Variants in SEMG1 observed in about 807,000 individuals in gnomAD.
SEMG1 encodes semenogelin 1.
A neutral mutation model predicts 8.8 loss-of-function variants in SEMG1; 6 were observed. That is an observed-to-expected ratio of 0.68 (90% CI 0.37 to 1.35). The LOEUF (loss-of-function observed/expected upper bound fraction) is 1.35, where lower values mean the gene tolerates loss of function less well. Ranked by LOEUF, SEMG1 falls within the 40% of genes most tolerant of loss-of-function variation. SEMG1 has a pLI of 0.02. For synonymous variants in SEMG1, 221 were observed against 190.3 expected, an observed-to-expected ratio of 1.16 and a Z score of -1.33; for missense variants, 580 against 533.6, an observed-to-expected ratio of 1.09 and a Z score of -0.86.
rs776210758 is a variant in SEMG1, at chr20:45,207,064, A to G, written c.11A>G (p.Asn4Ser). The G allele has an allele frequency of 1.6e-5, 26 of 1,613,564 alleles. No individual in the cohort carries two copies. The highest frequency in any genetic ancestry group is 2.2e-5 in the East Asian group (1 of 44,874). The change falls in exon 1 of 3, where the codon AAC (asparagine) becomes AGC (serine). Residue 4 changes from asparagine to serine, a missense_variant. Coordinates refer to ENST00000372781, the MANE Select transcript of SEMG1 (RefSeq NM_003007.5). MKPNIIFVLSLLLI... is the reference protein window; with the variant it reads MKPSIIFVLSLLLI... ...GGTTTTCCAAGCAAGATGAAGCCCA[A>G]CATCATCTTTGTACTTTCCCTGCTC...
chr20:45,208,697 C>A lies in SEMG1; in HGVS notation c.*11C>A, dbSNP rs758675703. The A allele has an allele frequency of 1.3e-6, 2 of 1,567,224 alleles. No individual in the cohort carries two copies. The highest frequency in any genetic ancestry group is 1.4e-5 in the African/African-American group (1 of 73,198). Reference sequence around the variant, plus strand: ...CCATTATTTACATAAACCTACCATTCGGTAACCATGTGAAAGGATGGACCA... The same window carrying A: ...CCATTATTTACATAAACCTACCATTAGGTAACCATGTGAAAGGATGGACCA... On this transcript the variant is annotated 3_prime_UTR_variant, in exon 2 of 3. Coordinates refer to ENST00000372781, the MANE Select transcript of SEMG1 (RefSeq NM_003007.5).
chr20:45,208,605 T>C lies in SEMG1; in HGVS notation c.1308T>C (p.Ile436=). 6.2e-7 allele frequency: 1 copy of C among 1,613,906 alleles called. No individual in the cohort carries two copies. The highest frequency in any genetic ancestry group is 8.5e-7 in the Non-Finnish European group (1 of 1,179,874). ...HQHGSHGGLD[I]VIIEQEDDSD... is the part of the protein sequence containing the mutation. ...ATGGATCTCATGGGGGATTGGATAT[T>C]GTAATTATAGAGCAGGAAGATGACA... The change falls in exon 2 of 3, where the codon ATT becomes ATC. Residue 436 remains isoleucine (I), a synonymous_variant. Coordinates refer to ENST00000372781, the MANE Select transcript of SEMG1 (RefSeq NM_003007.5).
At position 45,208,442 on chromosome 20, in the gene SEMG1, T is replaced by C. The variant is rs772450792; in HGVS notation, c.1145T>C (p.Val382Ala). 2.7e-5 allele frequency: 43 copies of C among 1,613,832 alleles called. No homozygotes were observed. Among genetic ancestry groups the C allele is most frequent in the Non-Finnish European group, 3.4e-5 (40 of 1,179,954 alleles). Residue 382 changes from valine to alanine, a missense_variant, in exon 2 of 3, where the codon GTA (valine) becomes GCA (alanine). Coordinates refer to ENST00000372781, the MANE Select transcript of SEMG1 (RefSeq NM_003007.5). ...RSIYSQTEKL[V>A]AGKSQIQAPN... is the part of the protein sequence containing the mutation. ...ATTTATAGCCAAACTGAAAAGCTAG[T>C]AGCAGGCAAGTCTCAAATCCAGGCA...
intron 2 of SEMG1, 52 bp downstream of exon 2, chr20:45,208,782 G>A (rs1318481254): frequency 3.5e-6 from 3 of 866,580 alleles, no homozygotes; most frequent in East Asian, 4.9e-5. Context: ...GTTTAGAATT[G>A]TTGGGGACTC....
At chr20:45,207,246 A>T in intron 1 of SEMG1, 117 bp downstream of exon 1, 6 of 1,491,968 alleles carry the variant, frequency 4.0e-6, no homozygotes, top group Non-Finnish European at 5.5e-6. Context: ...AAGAGAATTG[A>T]TTTTCTCCAC....
Position 45,207,493 on chromosome 20 carries a change from C to A in SEMG1, c.196C>A (p.Gln66Lys). 3.1e-6 allele frequency: 5 copies of A among 1,613,874 alleles called. No individual in the cohort carries two copies. Among genetic ancestry groups the A allele is most frequent in the Non-Finnish European group, 4.2e-6 (5 of 1,179,820 alleles). The change falls in exon 2 of 3, where the codon CAA becomes AAA. Residue 66 changes from glutamine to lysine, a missense_variant. By Grantham distance (53) the Gln-to-Lys change is moderately conservative. Transcript: ENST00000372781. ...QTESKGSFSIQYTYHVDANDH... is the reference protein window; with the variant it reads ...QTESKGSFSIKYTYHVDANDH... ...TGAATCCAAAGGCAGTTTTTCTATT[C>A]AATACACATATCATGTAGATGCCAA...
chr20:45,207,673 G>T lies in SEMG1; in HGVS notation c.376G>T (p.Val126Leu). The T allele has an allele frequency of 6.2e-7, 1 of 1,613,916 alleles. No homozygotes were observed. The highest frequency in any genetic ancestry group is 8.5e-7 in the Non-Finnish European group (1 of 1,179,874). Residue 126 changes from valine to leucine, a missense_variant, in exon 2 of 3, where the codon GTA (valine) becomes TTA (leucine). By Grantham distance (32) the Val-to-Leu change is conservative (BLOSUM62 1). Transcript: ENST00000372781. ...HDKSKGHFHR[V>L]VIHHKGGKAH... ...TAAATCAAAAGGTCATTTTCACAGG[G>T]TAGTTATACACCATAAAGGAGGCAA... is the stretch of plus-strand genomic sequence containing the variant.
intron 1 of SEMG1, 44 bp from the exon 2 acceptor site, chr20:45,207,330 C>A: frequency 1.3e-6 from 2 of 1,506,270 alleles, no homozygotes; most frequent in Non-Finnish European, 9.1e-7. Flanking sequence ...TGTAAGGGAG[C>A]TTTGGAGATA....
In SEMG1 at chr20:45,207,764, C is replaced by G. The variant is rs1413552646; in HGVS notation, c.467C>G (p.Ser156Cys). The stretch of plus-strand genomic sequence containing the variant: ...AATAGCCCATCTGGAAAGGGAATAT[C>G]CAGTCAATATTCAAACACAGAAGAA... ...QGNSPSGKGI[S>C]SQYSNTEERL... Residue 156 changes from serine (S) to cysteine (C), a missense_variant, in exon 2 of 3, where the codon TCC (serine) becomes TGC (cysteine). Transcript: ENST00000372781. The G allele has an allele frequency of 1.2e-6, 2 of 1,613,826 alleles. No homozygotes were observed. Among genetic ancestry groups the G allele is most frequent in the African/African-American group, 1.3e-5 (1 of 74,896 alleles).
rs147911691 is a variant in SEMG1, at chr20:45,207,736, G to A, written c.439G>A (p.Gly147Arg). The A allele has an allele frequency of 6.2e-7, 1 of 1,613,810 alleles. No homozygotes were observed. The highest frequency in any genetic ancestry group is 1.3e-5 in the African/African-American group (1 of 74,878). Residue 147 changes from glycine to arginine, a missense_variant, in exon 2 of 3, where the codon GGG becomes AGG. Transcript: ENST00000372781. ...RGTQNPSQDQ[G>R]NSPSGKGISS... ...GACACAAAATCCTTCTCAAGATCAGGGGAATAGCCCATCTGGAAAGGGAAT... is the reference window on the plus strand; with the variant it reads ...GACACAAAATCCTTCTCAAGATCAGAGGAATAGCCCATCTGGAAAGGGAAT...
rs1351156603 is a variant in SEMG1, at chr20:45,208,007, C to T, written c.710C>T (p.Ser237Leu). The T allele has an allele frequency of 1.2e-5, 19 of 1,614,030 alleles. No individual in the cohort carries two copies. Among genetic ancestry groups the T allele is most frequent in the Non-Finnish European group, 1.5e-5 (18 of 1,179,988 alleles). The stretch of plus-strand genomic sequence containing the variant: ...GAACATTCAAGTAAAGTACAAACCT[C>T]ACTCTGTCCTGCGCACCAAGACAAA... ...REEHSSKVQT[S>L]LCPAHQDKLQ... Residue 237 changes from serine (S) to leucine (L), a missense_variant, in exon 2 of 3, where the codon TCA (serine) becomes TTA (leucine). Physicochemically the swap from Ser to Leu is moderately radical, Grantham distance 145. Transcript: ENST00000372781.
intron 2 of SEMG1, among the ~76,000 whole-genome samples, chr20:45,209,032 A>C (rs1020249256): frequency 6.6e-6 from 1 of 152,174 alleles, no homozygotes; most frequent in Non-Finnish European, 1.5e-5. Flanking sequence ...CTGACTACAT[A>C]TGCATATTTA....
intron 2 of SEMG1, among the ~76,000 whole-genome samples, chr20:45,209,354 CAGG>C (rs1983793084): frequency 6.6e-6 from 1 of 152,104 alleles, no homozygotes; most frequent in South Asian, 2.1e-4. Context: ...TTTACAACAT[CAGG>C]AGAAGAAAAC....
rs78461826 is a variant in SEMG1, at chr20:45,207,215, A to G, written c.76+86A>G. On this transcript the variant is annotated intron_variant, in intron 1 of 2. Coordinates refer to ENST00000372781, the MANE Select transcript of SEMG1 (RefSeq NM_003007.5). ...TTGGGGTGCAAACAGTAACCTGTTT[A>G]GGCACAGATTCTTCTCTTTGAAGAG... The G allele has an allele frequency of 3.6e-3, 5,548 of 1,546,662 alleles. 69 individuals are homozygous for G. Among genetic ancestry groups the G allele is most frequent in the African/African-American group, 0.034 (2,458 of 73,078 alleles).
rs1483277525 is a variant in SEMG1 at position 45,209,610 on chromosome 20, G to A, written c.*54G>A. 1 of 152,152 alleles carries A rather than the reference G, an allele frequency of 6.6e-6. No homozygotes were observed. The highest frequency in any genetic ancestry group is 1.9e-4 in the East Asian group (1 of 5,196). 9.4% of individuals were successfully genotyped at this position (152,152 alleles called of 1,614,324 possible). On this transcript the variant is annotated 3_prime_UTR_variant, in exon 3 of 3. Transcript: ENST00000372781. The stretch of plus-strand genomic sequence containing the variant: ...TCTTCTTTCTCTCTAGGTGTCAGTT[G>A]ACCTCAGTGAATTCTGTGATGTTTC...
At position 45,208,528 on chromosome 20, in the gene SEMG1, A is replaced by G. The variant is rs745925025; in HGVS notation, c.1231A>G (p.Thr411Ala). 7 of 1,614,060 alleles carry G rather than the reference A, an allele frequency of 4.3e-6. No individual in the cohort carries two copies. In the East Asian group the frequency reaches 1.1e-4, roughly 26 times the overall value. ...TGCAAAAGGAGAGTCTGGCCAATCT[A>G]CAAATAGAGAACAAGACCTACTCAG... Reference protein sequence around the residue: ...ENAKGESGQSTNREQDLLSHE... With the variant: ...ENAKGESGQSANREQDLLSHE... Residue 411 changes from threonine (T) to alanine (A), a missense_variant, in exon 2 of 3, where the codon ACA becomes GCA. By Grantham distance (58) the Thr-to-Ala change is moderately conservative. Coordinates refer to ENST00000372781, the MANE Select transcript of SEMG1 (RefSeq NM_003007.5).
In SEMG1 at chr20:45,208,224, A is replaced by G; in HGVS notation, c.927A>G (p.Val309=). 1.2e-6 allele frequency: 2 copies of G among 1,612,792 alleles called. No homozygotes were observed. The highest frequency in any genetic ancestry group is 8.5e-7 in the Non-Finnish European group (1 of 1,179,258). Residue 309 remains valine, a synonymous_variant, in exon 2 of 3, where the codon GTA becomes GTG. Transcript: ENST00000372781. ...HYGENGVQKD[V]SQSSIYSQTE... ...GAGAAAATGGTGTGCAGAAAGATGTATCCCAAAGCAGTATTTATAGCCAAA... is the reference window on the plus strand; with the variant it reads ...GAGAAAATGGTGTGCAGAAAGATGTGTCCCAAAGCAGTATTTATAGCCAAA...
chr20:45,208,576 C>G lies in SEMG1; in HGVS notation c.1279C>G (p.Gln427Glu). ...CAGTCATGAACAAAAAGGCAGACAC[C>G]AACATGGATCTCATGGGGGATTGGA... ...LLSHEQKGRHQHGSHGGLDIV... is the reference protein window; with the variant it reads ...LLSHEQKGRHEHGSHGGLDIV... Residue 427 changes from glutamine (Q) to glutamate (E), a missense_variant, in exon 2 of 3, where the codon CAA becomes GAA. Coordinates refer to ENST00000372781, the MANE Select transcript of SEMG1 (RefSeq NM_003007.5). The G allele has an allele frequency of 1.2e-6, 2 of 1,613,870 alleles. No homozygotes were observed. The highest frequency in any genetic ancestry group is 1.7e-6 in the Non-Finnish European group (2 of 1,179,816).
In SEMG1 at chr20:45,207,431, G is replaced by A. The variant is rs756910007; in HGVS notation, c.134G>A (p.Gly45Asp). 6.2e-7 allele frequency: 1 copy of A among 1,613,686 alleles called. No individual in the cohort carries two copies. The highest frequency in any genetic ancestry group is 2.2e-5 in the East Asian group (1 of 44,878). The stretch of plus-strand genomic sequence containing the variant: ...TCCCAATTTCCACACGGACAAAAGG[G>A]CCAGCACTATTCTGGACAAAAAGGC... ...EFSQFPHGQK[G>D]QHYSGQKGKQ... The change falls in exon 2 of 3, where the codon GGC becomes GAC. Residue 45 changes from glycine to aspartate, a missense_variant. Transcript: ENST00000372781.
Sources: gnomAD v4.1 joint callset for allele counts (sites outside exome capture counted in the v4.1 genomes callset) on GRCh38, gnomAD v4.1.1 for gene constraint, MANE v1.5 for transcripts, NCBI Gene and HGNC (gene_info 2026-07-23, HGNC 2026-07-21) for gene names.